The following DPP10 variants were observed in gnomAD, a reference collection of about 807,000 sequenced individuals.
DPP10 encodes dipeptidyl peptidase like 10.
In DPP10, 33 loss-of-function variants were observed where a neutral mutation model predicts 120.9. The ratio of observed to expected loss-of-function variants is 0.27; its 90% confidence interval spans 0.21 to 0.37. The LOEUF is 0.37. Among genes scored for constraint, DPP10 ranks in the 10% least tolerant of loss-of-function variants. The pLI, the probability that DPP10 is intolerant of heterozygous loss-of-function variation, is 1.00. For synonymous variants in DPP10, 337 were observed against 326.1 expected (o/e 1.03, Z -0.36); for missense variants, 816 against 942.8 (o/e 0.87, Z 1.76).
chr2:114,981,295 T>C (rs933137419), intron 1 of DPP10, among the ~76,000 whole-genome samples: 1 of 152,136 alleles, frequency 6.6e-6, no homozygotes, highest in African/African-American at 2.4e-5. Context: ...CCAAGTCTGG[T>C]AAAATAATTT....
intron 1 of DPP10, among the ~76,000 whole-genome samples, chr2:114,492,154 T>C (rs1475489379): frequency 1.3e-5 from 2 of 152,172 alleles, no homozygotes; most frequent in Non-Finnish European, 2.9e-5. Context: ...TGTGCATTCA[T>C]ACTCTAAATA....
intron 1 of DPP10, among the ~76,000 whole-genome samples, chr2:114,868,024 C>A (rs1368256549): frequency 1.3e-5 from 2 of 152,154 alleles, no homozygotes; most frequent in Non-Finnish European, 2.9e-5. Flanking sequence ...AGATAACTGC[C>A]AGTGGAATCA....
chr2:114,482,378 G>T (rs1463202010), intron 1 of DPP10, among the ~76,000 whole-genome samples: 1 of 152,092 alleles, frequency 6.6e-6, no homozygotes, highest in African/African-American at 2.4e-5. Flanking sequence ...AATGTTTTGA[G>T]CTATATGCCT....
chr2:114,891,609 C>A (rs58259672), intron 1 of DPP10, among the ~76,000 whole-genome samples: 5 of 152,146 alleles, frequency 3.3e-5, no homozygotes, highest in African/African-American at 1.2e-4. Flanking sequence ...CATAATTGTG[C>A]CCATGCTTAA....
intron 1 of DPP10, among the ~76,000 whole-genome samples, chr2:115,131,374 A>G (rs1377982695): frequency 2.0e-5 from 3 of 152,074 alleles, no homozygotes; most frequent in Non-Finnish European, 4.4e-5. Flanking sequence ...TTAGCCAGGC[A>G]TATTGATATG....
chr2:115,646,701 A>G (rs1343308859), intron 5 of DPP10, among the ~76,000 whole-genome samples: 2 of 152,184 alleles, frequency 1.3e-5, no homozygotes, highest in Non-Finnish European at 2.9e-5. Context: ...TAGTTTGGGC[A>G]GGTTAAACAG....
intron 1 of DPP10, among the ~76,000 whole-genome samples, chr2:114,783,729 A>T (rs1384511144): frequency 1.3e-5 from 2 of 151,770 alleles, no homozygotes; most frequent in Admixed American, 1.3e-4. Flanking sequence ...AGCTACTTGG[A>T]GGGCTGAGGT....
intron 8 of DPP10, among the ~76,000 whole-genome samples, chr2:115,738,503 A>T (rs1245504151): frequency 1.3e-5 from 2 of 152,150 alleles, no homozygotes; most frequent in Non-Finnish European, 2.9e-5. Flanking sequence ...TATGACAATC[A>T]TAGGACAGGC....
chr2:115,310,782 A>C (rs2061545523), intron 2 of DPP10, among the ~76,000 whole-genome samples: 1 of 152,214 alleles, frequency 6.6e-6, no homozygotes, highest in Non-Finnish European at 1.5e-5. Flanking sequence ...AGTTTAACAT[A>C]ATTATAAAAA....
intron 1 of DPP10, among the ~76,000 whole-genome samples, chr2:115,025,932 G>A (rs1035766122): frequency 6.6e-6 from 1 of 151,980 alleles, no homozygotes; most frequent in African/African-American, 2.4e-5. Context: ...TCCCTTGTCA[G>A]GTGGTTACTC....
intron 1 of DPP10, among the ~76,000 whole-genome samples, chr2:114,599,392 C>T (rs1007931215): frequency 6.6e-6 from 1 of 151,826 alleles, no homozygotes; most frequent in African/African-American, 2.4e-5. Context: ...GTCACTCATT[C>T]TACCACCACC....
chr2:115,490,900 T>A (rs996937294), intron 3 of DPP10, among the ~76,000 whole-genome samples: 4 of 152,108 alleles, frequency 2.6e-5, no homozygotes, highest in Non-Finnish European at 5.9e-5. Context: ...TGTGGATCAT[T>A]TGAGGTCGGG....
intron 1 of DPP10, among the ~76,000 whole-genome samples, chr2:115,054,273 A>G (rs891322615): frequency 1.3e-5 from 2 of 152,218 alleles, no homozygotes; most frequent in Non-Finnish European, 2.9e-5. Context: ...AAAAGAAGGT[A>G]GAGAGGAGGT....
chr2:115,547,440 A>T (rs2148989432), intron 5 of DPP10, among the ~76,000 whole-genome samples: 1 of 152,260 alleles, frequency 6.6e-6, no homozygotes, highest in South Asian at 2.1e-4. Context: ...TGCAATTTTA[A>T]AGTTTGTTTC....
rs186077409 is a variant in DPP10, at chr2:114,516,601, T to C, written c.60+73763T>C. Among the ~76,000 whole-genome samples, 129 of 152,364 alleles carry C rather than the reference T, an allele frequency of 8.5e-4. 3 individuals are homozygous for C. The highest frequency in any genetic ancestry group is 1.3e-4 in the Non-Finnish European group (9 of 68,036). ...TTGTATTAGACTATTATATCAGTGA[T>C]TTGCTTTTACTTAATGTAGTATTGA... On this transcript the variant is annotated intron_variant, in intron 1 of 25. Transcript: ENST00000410059.
intron 3 of DPP10, among the ~76,000 whole-genome samples, chr2:115,480,803 G>A (rs968629058): frequency 4.6e-5 from 7 of 151,978 alleles, no homozygotes; most frequent in African/African-American, 1.7e-4. Context: ...AATTGTATGC[G>A]AAAAAAATGG....
chr2:115,029,652 T>G (rs559729543), intron 1 of DPP10, among the ~76,000 whole-genome samples: 16 of 152,260 alleles, frequency 1.1e-4, no homozygotes, highest in African/African-American at 3.4e-4. Context: ...TATGTTTGCT[T>G]AGAGATTATT....
At chr2:114,765,044 G>T (rs999295968) in intron 1 of DPP10, among the ~76,000 whole-genome samples, 1 of 152,076 alleles carries the variant, frequency 6.6e-6, no homozygotes, top group East Asian at 1.9e-4. Context: ...CCATATTGGG[G>T]CCATCATTTC....
intron 1 of DPP10, among the ~76,000 whole-genome samples, chr2:115,186,881 C>G (rs2054478134): frequency 6.6e-6 from 1 of 152,006 alleles, no homozygotes; most frequent in African/African-American, 2.4e-5. Flanking sequence ...CAGCAGGACA[C>G]AGAAAGGACT....
Sources: gnomAD v4.1 joint callset for allele counts (sites outside exome capture counted in the v4.1 genomes callset) on GRCh38, gnomAD v4.1.1 for gene constraint, MANE v1.5 for transcripts, NCBI Gene and HGNC (gene_info 2026-07-23, HGNC 2026-07-21) for gene names.